Variants in FAM193A observed in about 807,000 individuals in gnomAD.
FAM193A encodes protein FAM193A.
FAM193A carries 22 observed loss-of-function variants against 126.5 expected under a neutral mutation model. The ratio of observed to expected loss-of-function variants is 0.17; its 90% CI spans 0.12 to 0.25. The LOEUF is 0.25. Among genes scored for constraint, FAM193A ranks in the 10% least tolerant of loss-of-function variants. FAM193A has a pLI of 1.00. For missense variants in FAM193A, 1,675 were observed against 1,672.8 expected (o/e 1.00, Z -0.02); for synonymous variants, 761 against 646.8 (o/e 1.18, Z -2.68).
intron 2 of FAM193A, among the ~76,000 whole-genome samples, chr4:2,622,860 G>A (rs1185357329): frequency 1.3e-5 from 2 of 152,202 alleles, no homozygotes; most frequent in African/African-American, 2.4e-5. Context: ...CATTACCTTA[G>A]GGGTTAAAAT....
chr4:2,627,575 C>CTT (rs753783682), intron 4 of FAM193A, among the ~76,000 whole-genome samples: 963 of 63,986 alleles, frequency 0.015, 100 homozygotes, highest in African/African-American at 0.039. Flanking sequence ...ATTTGGGAGG[C>CTT]TTTTTTTTTT....
At chr4:2,588,043 C>T (rs1740331318) in intron 1 of FAM193A, among the ~76,000 whole-genome samples, 1 of 152,226 alleles carries the variant, frequency 6.6e-6, no homozygotes, top group Admixed American at 6.5e-5. Flanking sequence ...GTGAAAACTA[C>T]TGCCAAGTGC....
chr4:2,575,399 A>T (rs1739528011), intron 1 of FAM193A, among the ~76,000 whole-genome samples: 6 of 151,956 alleles, frequency 3.9e-5, no homozygotes, highest in Admixed American at 3.9e-4. Flanking sequence ...CGTTTTGAAG[A>T]TGCAGTTTAT....
At chr4:2,590,871 CA>C (rs1740529971) in intron 1 of FAM193A, among the ~76,000 whole-genome samples, 1 of 151,480 alleles carries the variant, frequency 6.6e-6, no homozygotes, top group African/African-American at 2.4e-5. Flanking sequence ...ACTAAAAATA[CA>C]AAAAATTAAC....
At chr4:2,721,836 C>G (rs956948703) in intron 20 of FAM193A, among the ~76,000 whole-genome samples, 10 of 152,226 alleles carry the variant, frequency 6.6e-5, no homozygotes, top group African/African-American at 2.4e-4. Context: ...GGGGGCGGGG[C>G]AAACGTGAGG....
intron 20 of FAM193A, among the ~76,000 whole-genome samples, chr4:2,726,800 AAAAG>A (rs1161325758): frequency 2.0e-5 from 3 of 148,992 alleles, no homozygotes; most frequent in Non-Finnish European, 4.5e-5. Flanking sequence ...AAAAAAAAAA[AAAAG>A]CCGGGTGTGG....
At chr4:2,678,466 G>A (rs1442622969) in intron 13 of FAM193A, among the ~76,000 whole-genome samples, 2 of 150,328 alleles carry the variant, frequency 1.3e-5, no homozygotes, top group Admixed American at 6.6e-5. Flanking sequence ...AGGTTCAAGC[G>A]ATACTCCTGC....
At chr4:2,535,947 A>C (rs1040268564), upstream of FAM193A, among the ~76,000 whole-genome samples, 1 of 151,996 alleles carries the variant, frequency 6.6e-6, no homozygotes, top group African/African-American at 2.4e-5. Context: ...GGCGGACCCC[A>C]CCGCACCGCG....
chr4:2,697,043 T>C (rs139560760), intron 18 of FAM193A, among the ~76,000 whole-genome samples: 109 of 152,252 alleles, frequency 7.2e-4, no homozygotes, highest in African/African-American at 2.6e-3. Flanking sequence ...GGTCTGAGCA[T>C]GTCCCCCATG....
intron 1 of FAM193A, among the ~76,000 whole-genome samples, chr4:2,569,546 C>T (rs924438472): frequency 1.2e-4 from 18 of 152,070 alleles, no homozygotes; most frequent in East Asian, 9.6e-4. Context: ...TCACCCGGTC[C>T]GGAGTGCAGT....
intron 20 of FAM193A, among the ~76,000 whole-genome samples, chr4:2,719,516 C>T (rs1344032051): frequency 6.6e-6 from 1 of 152,108 alleles, no homozygotes; most frequent in African/African-American, 2.4e-5. Flanking sequence ...GAGGCCCAGG[C>T]GGGCGGATCA....
At position 2,689,634 on chromosome 4, in the gene FAM193A, T is replaced by G; in HGVS notation, c.2460T>G (p.Ser820Arg). The G allele has an allele frequency of 6.3e-7, 1 of 1,575,940 alleles. No homozygotes were observed. Among genetic ancestry groups the G allele is most frequent in the South Asian group, 1.2e-5 (1 of 83,468 alleles). The change falls in exon 14 of 21, where the codon AGT (serine) becomes AGG (arginine). Residue 820 changes from serine (S) to arginine (R), a missense_variant. Around this residue, in one of 4 missense-constraint regions of FAM193A, gnomAD observed 1,186 missense variants for 1,109.2 expected, o/e 1.07. Coordinates refer to ENST00000637812, the MANE Select transcript of FAM193A (RefSeq NM_001366318.2). ...AGTGGAATAGTTCTAAATTTATAAG[T>G]CTTTGGGGATCAGAAGTGATGAATG... ...TPEWNSSKFI[S>R]LWGSEVMNDK...
At chr4:2,634,168 C>T (rs1743872194) in intron 5 of FAM193A, among the ~76,000 whole-genome samples, 1 of 152,194 alleles carries the variant, frequency 6.6e-6, no homozygotes, top group African/African-American at 2.4e-5. Context: ...ATCTGCAGCT[C>T]TCGTGGCCTT....
intron 20 of FAM193A, among the ~76,000 whole-genome samples, chr4:2,729,500 T>C (rs2109441852): frequency 6.6e-6 from 1 of 152,320 alleles, no homozygotes; most frequent in South Asian, 2.1e-4. Context: ...CTTTCCTTCC[T>C]TTTGTTTCTG....
intron 5 of FAM193A, 119 bp from the exon 6 acceptor site, chr4:2,639,616 A>G: frequency 3.0e-6 from 2 of 656,398 alleles, no homozygotes; most frequent in Non-Finnish European, 4.8e-6. Flanking sequence ...TGGGCCTGTG[A>G]AGAGGGATGT....
At chr4:2,638,167 G>C (rs1007998353) in intron 5 of FAM193A, among the ~76,000 whole-genome samples, 1 of 152,206 alleles carries the variant, frequency 6.6e-6, no homozygotes, top group South Asian at 2.1e-4. Flanking sequence ...TCTGATCCAG[G>C]TGCTGCATTC....
intron 2 of FAM193A, among the ~76,000 whole-genome samples, chr4:2,609,852 C>T (rs564779312): frequency 5.3e-5 from 8 of 151,760 alleles, no homozygotes; most frequent in Admixed American, 4.6e-4. Context: ...TCCCTCTAAC[C>T]CGGGAGGCTG....
rs1560530336 is a variant in FAM193A at position 2,657,664 on chromosome 4, T to C, written c.1312-139T>C. On this transcript the variant is annotated intron_variant, in intron 7 of 20. Coordinates refer to ENST00000637812, the MANE Select transcript of FAM193A (RefSeq NM_001366318.2). Reference sequence around the variant, plus strand: ...ATACCTGTTAACATATTTGTAGTATTGTATCTTTATTCTGTTTGCAGATGA... The same window carrying C: ...ATACCTGTTAACATATTTGTAGTATCGTATCTTTATTCTGTTTGCAGATGA... 9 of 595,798 alleles carry C rather than the reference T, an allele frequency of 1.5e-5. No homozygotes were observed. In the Admixed American group the frequency reaches 1.6e-4, roughly 11 times the overall value. 36.9% of individuals were successfully genotyped at this position (595,798 alleles called of 1,614,324 possible). A position where few individuals can be genotyped will look rare whatever the true frequency, so the allele number is the denominator to read the frequency against.
At chr4:2,627,159 CTTT>C (rs11385994) in intron 4 of FAM193A, among the ~76,000 whole-genome samples, 20 of 126,280 alleles carry the variant, frequency 1.6e-4, no homozygotes, top group Non-Finnish European at 2.6e-4. Context: ...TTTGATGTAA[CTTT>C]TTTTTTTTTT....
Sources: allele counts gnomAD v4.1 joint callset (sites outside exome capture counted in the v4.1 genomes callset), GRCh38; gene constraint gnomAD v4.1.1; regional missense constraint gnomAD v4.1.1; transcripts MANE v1.5; gene names NCBI Gene and HGNC (gene_info 2026-07-23, HGNC 2026-07-21).